Variants in LTN1 observed in about 807,000 individuals in gnomAD.
LTN1 encodes the protein E3 ubiquitin-protein ligase listerin.
LTN1 carries 88 observed loss-of-function variants against 201.2 expected under a neutral mutation model. That is an observed-to-expected ratio of 0.44 (90% confidence interval 0.37 to 0.52). LTN1 has a LOEUF of 0.52. Among genes scored for constraint, LTN1 ranks in the 20% least tolerant of loss-of-function variants. LTN1 has a pLI of 0.00. For synonymous variants in LTN1, 645 were observed against 713.5 expected, an observed-to-expected ratio of 0.90 and a Z score of 1.53; for missense variants, 1,752 against 2,038.7, an observed-to-expected ratio of 0.86 and a Z score of 2.71.
At chr21:28,953,906 G>C (rs1046808965) in intron 16 of LTN1, among the ~76,000 whole-genome samples, 4 of 152,144 alleles carry the variant, frequency 2.6e-5, no homozygotes, top group African/African-American at 9.7e-5. Context: ...ATAATTAAAT[G>C]GCCAAGTATC....
Position 28,946,168 on chromosome 21 carries a change from T to A in LTN1, c.3607A>T (p.Ile1203Phe). Residue 1203 changes from isoleucine (I) to phenylalanine (F), a missense_variant, in exon 20 of 30, where the codon ATT becomes TTT. This residue lies in a region of LTN1 where 1,211 missense variants were observed against 1,312.8 expected (regional missense o/e 0.92). Transcript: ENST00000361371. ...ATCACCTACCAACTGAAAAGAAAAA[T>A]ATCTTCATGCTCTTTCTTCCAGGAT... ...IISWKKEHED[I>F]FLFSCNLSEA... The A allele has an allele frequency of 6.3e-7, 1 of 1,579,922 alleles. No homozygotes were observed. Among genetic ancestry groups the A allele is most frequent in the Non-Finnish European group, 8.6e-7 (1 of 1,164,840 alleles).
intron 16 of LTN1, among the ~76,000 whole-genome samples, chr21:28,955,377 T>G (rs964328500): frequency 6.6e-6 from 1 of 151,138 alleles, no homozygotes. Context: ...TTGGTAGGAA[T>G]GCAAATTAGT....
chr21:28,992,767 C>T lies in LTN1; in HGVS notation c.39G>A (p.Leu13=), dbSNP rs1158749169. The change falls in exon 1 of 30, where the codon CTG becomes CTA. Residue 13 remains leucine, a synonymous_variant. Coordinates refer to ENST00000361371, the MANE Select transcript of LTN1 (RefSeq NM_015565.3). ...GGCCGAGCCAGCCCCCGCTCACCCT[C>T]AGGTTCCCTTTAGTTCGCTGCTTGT... is the stretch of plus-strand genomic sequence containing the variant. ...GKNKQRTKGN[L]RPSNSGRAAE... is the part of the protein sequence containing the mutation. The T allele has an allele frequency of 6.2e-7, 1 of 1,614,102 alleles. No individual in the cohort carries two copies. The highest frequency in any genetic ancestry group is 1.7e-5 in the Admixed American group (1 of 60,016).
intron 4 of LTN1, among the ~76,000 whole-genome samples, chr21:28,984,052 A>G (rs1191988870): frequency 6.6e-6 from 1 of 152,194 alleles, no homozygotes; most frequent in Admixed American, 6.5e-5. Flanking sequence ...TGAAAATGGG[A>G]GTATAAATTT....
rs575478816 is a variant in LTN1 at position 28,992,749 on chromosome 21, C to T, written c.42+15G>A. 13 of 1,613,862 alleles carry T rather than the reference C, an allele frequency of 8.1e-6. 1 individual carries two copies. The African/African-American group carries it at 1.5e-4, about 18-fold the overall frequency. On this transcript the variant is annotated intron_variant, in intron 1 of 29. Coordinates refer to ENST00000361371, the MANE Select transcript of LTN1 (RefSeq NM_015565.3). ...AAGCGAGGCTCCCGGGTCGGCCGAGCCAGCCCCCGCTCACCCTCAGGTTCC... is the reference window on the plus strand; with the variant it reads ...AAGCGAGGCTCCCGGGTCGGCCGAGTCAGCCCCCGCTCACCCTCAGGTTCC...
At chr21:28,985,336 C>T (rs2084689846) in intron 3 of LTN1, among the ~76,000 whole-genome samples, 1 of 152,032 alleles carries the variant, frequency 6.6e-6, no homozygotes, top group East Asian at 1.9e-4. Context: ...TGGCACACAC[C>T]TGTAATCCCA....
chr21:28,956,256 T>G (rs1328137740), intron 16 of LTN1, among the ~76,000 whole-genome samples: 1 of 152,204 alleles, frequency 6.6e-6, no homozygotes, highest in Non-Finnish European at 1.5e-5. Context: ...GCAAAATAAC[T>G]AGAAGATTTG....
At chr21:28,985,929 G>C (rs370297962) in intron 3 of LTN1, among the ~76,000 whole-genome samples, 9 of 152,132 alleles carry the variant, frequency 5.9e-5, no homozygotes, top group East Asian at 5.8e-4. Context: ...CCAAAGTGCT[G>C]GGATTACAGG....
rs138794932 is a variant in LTN1, at chr21:28,977,267, G to T, written c.810+3852C>A. ...CAGGCACCTGTAATCCCAGCTACTC[G>T]AGAGGCTGAGGCAGGAGAATCGCTT... is the stretch of plus-strand genomic sequence containing the variant. On this transcript the variant is annotated intron_variant, in intron 6 of 29. Transcript: ENST00000361371. Among the ~76,000 whole-genome samples the T allele has an allele frequency of 1.5e-3, 235 of 151,706 alleles. 1 individual carries two copies. The highest frequency in any genetic ancestry group is 5.3e-3 in the African/African-American group (220 of 41,340).
intron 11 of LTN1, among the ~76,000 whole-genome samples, chr21:28,963,006 G>A (rs1283413767): frequency 6.6e-6 from 1 of 152,188 alleles, no homozygotes; most frequent in Non-Finnish European, 1.5e-5. Flanking sequence ...GAGAGGTGAG[G>A]AAGCTGCACA....
rs377240648 is a variant in LTN1 at position 28,935,333 on chromosome 21, A to C, written c.4655-4T>G. 1 of 1,572,728 alleles carries C rather than the reference A, an allele frequency of 6.4e-7. No individual in the cohort carries two copies. Among genetic ancestry groups the C allele is most frequent in the Non-Finnish European group, 8.7e-7 (1 of 1,144,738 alleles). ...TGGTATGGAAGCATTGTTGTTTCTGAGGAAAAAACAAATTATTGATTAGTA... is the reference window on the plus strand; with the variant it reads ...TGGTATGGAAGCATTGTTGTTTCTGCGGAAAAAACAAATTATTGATTAGTA... On this transcript the variant is annotated splice_polypyrimidine_tract_variant and splice_region_variant and intron_variant, in intron 26 of 29. Transcript: ENST00000361371.
At position 28,953,395 on chromosome 21, in the gene LTN1, C is replaced by G. The variant is rs2084399302; in HGVS notation, c.3080-19G>C. 1 of 1,557,642 alleles carries G rather than the reference C, an allele frequency of 6.4e-7. No homozygotes were observed. Among genetic ancestry groups the G allele is most frequent in the Non-Finnish European group, 8.6e-7 (1 of 1,160,020 alleles). ...TCTGCAACTAAAAGAAGAGACAGCA[C>G]CAAATTATGAAAAGCACTCTGTGAA... On this transcript the variant is annotated intron_variant, in intron 16 of 29. Transcript: ENST00000361371.
intron 18 of LTN1, among the ~76,000 whole-genome samples, chr21:28,948,036 C>CA (rs1235658770): frequency 9.3e-5 from 14 of 150,876 alleles, no homozygotes; most frequent in Admixed American, 6.6e-5. Context: ...ACTAAATATA[C>CA]AAAAAATCAG....
Position 28,958,411 on chromosome 21 carries a change from G to A in LTN1, c.2722C>T (p.Gln908Ter), listed in dbSNP as rs1037722942. The A allele has an allele frequency of 1.9e-6, 3 of 1,606,268 alleles. No individual in the cohort carries two copies. Among genetic ancestry groups the A allele is most frequent in the Admixed American group, 1.7e-5 (1 of 57,856 alleles). The change falls in exon 14 of 30, where the codon CAG (glutamine) becomes TAG (stop). Residue 908 changes from glutamine to a stop codon, truncating the protein, a stop_gained. Coordinates refer to ENST00000361371, the MANE Select transcript of LTN1 (RefSeq NM_015565.3). LOFTEE classifies it high-confidence loss of function. ...CTGTTGATATCCAAAGATGAAGCCT[G>A]AACTTGGTTCTTCAGCCACAGAGCA... ...LSALWLKNQV[Q>*]ASSLDINSLQ...
chr21:28,977,139 C>T (rs1421659168), intron 6 of LTN1, among the ~76,000 whole-genome samples: 1 of 152,016 alleles, frequency 6.6e-6, no homozygotes. Flanking sequence ...TCTGGGAGGC[C>T]GAGGCAGGTG....
chr21:28,982,385 T>C lies in LTN1; in HGVS notation c.577-17A>G. ...CTGCAGCACCTACAAAGGGGGGAAA[T>C]ACCAAAGCCTTTGGTTTTACTGAAC... On this transcript the variant is annotated splice_polypyrimidine_tract_variant and intron_variant, in intron 4 of 29. Coordinates refer to ENST00000361371, the MANE Select transcript of LTN1 (RefSeq NM_015565.3). 3.1e-6 allele frequency: 5 copies of C among 1,604,860 alleles called. No individual in the cohort carries two copies. The highest frequency in any genetic ancestry group is 3.4e-6 in the Non-Finnish European group (4 of 1,171,836).
intron 19 of LTN1, 36 bp from the exon 20 acceptor site, chr21:28,946,323 TA>T: frequency 7.0e-7 from 1 of 1,418,694 alleles, no homozygotes; most frequent in South Asian, 1.4e-5. Context: ...TAAAAATATT[TA>T]AGAACTATAT....
At chr21:28,937,256 C>T (rs2146259494) in intron 25 of LTN1, among the ~76,000 whole-genome samples, 1 of 152,300 alleles carries the variant, frequency 6.6e-6, no homozygotes, top group South Asian at 2.1e-4. Context: ...TGCTTTCCCT[C>T]CATAAAGTAG....
chr21:28,983,145 A>G (rs1354591918), intron 4 of LTN1, among the ~76,000 whole-genome samples: 1 of 152,188 alleles, frequency 6.6e-6, no homozygotes, highest in Non-Finnish European at 1.5e-5. Flanking sequence ...TCTCTAATAC[A>G]TGGGTTTGGA....
Sources: gnomAD v4.1 joint callset for allele counts (sites outside exome capture counted in the v4.1 genomes callset) on GRCh38, gnomAD v4.1.1 for gene constraint, gnomAD v4.1.1 regional missense constraint, MANE v1.5 for transcripts, NCBI Gene and HGNC (gene_info 2026-07-23, HGNC 2026-07-21) for gene names.